Variants in CFAP69 observed in about 807,000 individuals in gnomAD.
The protein encoded by CFAP69 is cilia- and flagella-associated protein 69.
In CFAP69, 92 loss-of-function variants were observed where a neutral mutation model predicts 123.0. The observed-to-expected ratio is 0.75, with a 90% confidence interval of 0.63 to 0.89. The LOEUF (loss-of-function observed/expected upper bound fraction) is 0.89, where lower values mean the gene tolerates loss of function less well. CFAP69 is among the 40% of genes least tolerant of loss of function. CFAP69 has a pLI of 0.00. For missense variants in CFAP69, 1,067 were observed against 1,096.9 expected (o/e 0.97, Z 0.39); for synonymous variants, 380 against 364.3 (o/e 1.04, Z -0.49).
chr7:90,252,549 A>AGT (rs1797157761), intron 1 of CFAP69, among the ~76,000 whole-genome samples: 1 of 152,092 alleles, frequency 6.6e-6, no homozygotes. Flanking sequence ...GTGCCTCTGT[A>AGT]GTCCCAGCTG....
At chr7:90,263,037 G>A (rs1026042269) in intron 4 of CFAP69, among the ~76,000 whole-genome samples, 4 of 151,980 alleles carry the variant, frequency 2.6e-5, no homozygotes, top group African/African-American at 9.7e-5. Context: ...TTATTATATT[G>A]ACATACGATT....
rs762690629 is a variant in CFAP69 at position 90,288,248 on chromosome 7, T to A, written c.1671T>A (p.Thr557=). The A allele has an allele frequency of 2.5e-6, 4 of 1,606,850 alleles. No homozygotes were observed. The highest frequency in any genetic ancestry group is 3.4e-6 in the Non-Finnish European group (4 of 1,175,094). ...ATCTTAAACAGGAAATTTTCGGAACTGAAGGAGTAGATATCGTTCTTCATG... is the reference window on the plus strand; with the variant it reads ...ATCTTAAACAGGAAATTTTCGGAACAGAAGGAGTAGATATCGTTCTTCATG... ...NHIQRKEIFG[T]EGVDIVLHVM... is the part of the protein sequence containing the mutation. Residue 557 remains threonine, a synonymous_variant, in exon 15 of 23, where the codon ACT becomes ACA. Transcript: ENST00000389297.
intron 13 of CFAP69, among the ~76,000 whole-genome samples, chr7:90,284,653 AG>A (rs1789993268): frequency 6.6e-6 from 1 of 152,186 alleles, no homozygotes; most frequent in Non-Finnish European, 1.5e-5. Context: ...AAGGCTAGGA[AG>A]TCTTAGGATT....
intron 11 of CFAP69, among the ~76,000 whole-genome samples, 184 bp from the exon 12 acceptor site, chr7:90,279,493 G>A (rs1789116571): frequency 6.6e-6 from 1 of 150,896 alleles, no homozygotes; most frequent in Non-Finnish European, 1.5e-5. Context: ...TCAGAAAAGA[G>A]GATTATAACT....
intron 3 of CFAP69, among the ~76,000 whole-genome samples, chr7:90,259,075 C>T (rs1250496763): frequency 3.3e-5 from 5 of 152,096 alleles, no homozygotes; most frequent in African/African-American, 4.8e-5. Context: ...ACTAAATATA[C>T]GACCCTGACC....
At chr7:90,267,748 A>G (rs1463709028) in intron 5 of CFAP69, among the ~76,000 whole-genome samples, 1 of 152,152 alleles carries the variant, frequency 6.6e-6, no homozygotes, top group Non-Finnish European at 1.5e-5. Flanking sequence ...TAAAGGCAAA[A>G]AATTACTGAC....
intron 15 of CFAP69, among the ~76,000 whole-genome samples, chr7:90,290,246 A>C (rs1241296733): frequency 6.6e-6 from 1 of 152,202 alleles, no homozygotes; most frequent in East Asian, 1.9e-4. Context: ...CAGCAAGTGG[A>C]ATACCCAGGA....
intron 9 of CFAP69, among the ~76,000 whole-genome samples, chr7:90,275,809 A>G (rs569194716): frequency 6.6e-6 from 1 of 151,878 alleles, no homozygotes; most frequent in East Asian, 1.9e-4. Context: ...TCACTGTGTT[A>G]GCCAGGATGG....
chr7:90,260,827 C>G (rs1798227663), intron 3 of CFAP69, among the ~76,000 whole-genome samples: 1 of 151,890 alleles, frequency 6.6e-6, no homozygotes, highest in Non-Finnish European at 1.5e-5. Context: ...GCAATTGGCT[C>G]TATTTCTAAA....
chr7:90,280,811 A>G (rs1046085272), intron 12 of CFAP69, among the ~76,000 whole-genome samples: 4 of 152,232 alleles, frequency 2.6e-5, no homozygotes, highest in African/African-American at 9.6e-5. Flanking sequence ...TGCTCTGGCA[A>G]TAATTTTGTA....
chr7:90,253,248 A>C (rs1340503061), intron 1 of CFAP69, among the ~76,000 whole-genome samples: 1 of 152,232 alleles, frequency 6.6e-6, no homozygotes, highest in Non-Finnish European at 1.5e-5. Flanking sequence ...GTAGCAAGGC[A>C]TTAACCCCCA....
At chr7:90,277,049 GC>G (rs1788719181) in intron 9 of CFAP69, 23 bp from the exon 10 acceptor site, 1 of 1,492,530 alleles carries the variant, frequency 6.7e-7, no homozygotes, top group Non-Finnish European at 9.0e-7. Flanking sequence ...TCATCTTTCT[GC>G]TTATTTTATG....
chr7:90,297,736 C>T lies in CFAP69; in HGVS notation c.1776-13C>T, dbSNP rs566485230. ...AAATGTTTGTCAAATGAATAACTTT[C>T]TTTTAATTTAAGGTGCTGTATTTTG... On this transcript the variant is annotated splice_polypyrimidine_tract_variant and intron_variant, in intron 15 of 22. Transcript: ENST00000389297. The T allele has an allele frequency of 6.6e-7, 1 of 1,521,552 alleles. No homozygotes were observed. Among genetic ancestry groups the T allele is most frequent in the Admixed American group, 2.0e-5 (1 of 49,454 alleles). The allele number at this position is 1,521,552 out of a possible 1,614,324, so 94.3% of individuals were successfully genotyped here.
At chr7:90,279,544 A>G in intron 11 of CFAP69, 133 bp from the exon 12 acceptor site, 1 of 543,472 alleles carries the variant, frequency 1.8e-6, no homozygotes, top group African/African-American at 1.9e-5. Context: ...CCTATCATAG[A>G]TTGGGGTTAT....
chr7:90,271,479 T>C (rs1463165664), intron 6 of CFAP69, 47 bp from the exon 7 acceptor site: 2 of 1,535,814 alleles, frequency 1.3e-6, no homozygotes, highest in East Asian at 4.5e-5. Flanking sequence ...GTCTTAATGA[T>C]CATTCTGTGA....
intron 15 of CFAP69, among the ~76,000 whole-genome samples, chr7:90,295,345 C>T (rs1791788269): frequency 6.6e-6 from 1 of 152,158 alleles, no homozygotes; most frequent in Non-Finnish European, 1.5e-5. Context: ...TTTTAACCCA[C>T]TTTGACTTAA....
At chr7:90,292,801 G>T (rs911034812) in intron 15 of CFAP69, among the ~76,000 whole-genome samples, 3 of 152,142 alleles carry the variant, frequency 2.0e-5, no homozygotes, top group Non-Finnish European at 4.4e-5. Context: ...ATTTCTGTTT[G>T]ATATTCATGA....
intron 6 of CFAP69, chr7:90,268,927 T>G (rs942648243): frequency 1.3e-5 from 2 of 152,372 alleles, no homozygotes; most frequent in African/African-American, 4.8e-5. Flanking sequence ...TTTCTGTAAT[T>G]TCTAATCAAT....
At chr7:90,274,134 A>C in intron 9 of CFAP69, 24 bp downstream of exon 9, 3 of 1,586,872 alleles carry the variant, frequency 1.9e-6, no homozygotes, top group Non-Finnish European at 2.6e-6. Flanking sequence ...AAATTGCATT[A>C]ATTTTAATTG....
Sources: gnomAD v4.1 joint callset for allele counts (sites outside exome capture counted in the v4.1 genomes callset) on GRCh38, gnomAD v4.1.1 for gene constraint, MANE v1.5 for transcripts, NCBI Gene and HGNC (gene_info 2026-07-23, HGNC 2026-07-21) for gene names.